The following PNN variants were observed in gnomAD, a reference collection of about 807,000 sequenced individuals.
The protein encoded by PNN is pinin.
Under a neutral mutation model 76.6 loss-of-function variants are expected in PNN, and 38 were observed. The ratio of observed to expected loss-of-function variants is 0.50; its 90% CI spans 0.38 to 0.65. PNN has a LOEUF of 0.65. PNN is among the 30% of genes least tolerant of loss of function. The pLI is 0.00. For missense variants in PNN, 873 were observed against 874.1 expected (o/e 1.00, Z 0.02); for synonymous variants, 366 against 283.7 (o/e 1.29, Z -2.91).
rs765807313 is a variant in PNN, at chr14:39,181,090, AAAG to A, written c.1387_1389del (p.Glu463del). ...AGACATGGAAAAGGAGTCTGAGGAA[AAAG>A]AAGAAAAAGAATCTGAGCCCCAACC... On this transcript the variant is annotated inframe_deletion, in exon 9 of 9. Coordinates refer to ENST00000216832, the MANE Select transcript of PNN (RefSeq NM_002687.4). 352 of 1,613,750 alleles carry A rather than the reference AAAG, an allele frequency of 2.2e-4. No individual in the cohort carries two copies. Among genetic ancestry groups the A allele is most frequent in the Non-Finnish European group, 2.8e-4 (332 of 1,179,870 alleles).
rs768187455 is a variant in PNN, at chr14:39,181,900, CAGA to C, written c.*41_*43del. 1.1e-5 allele frequency: 17 copies of C among 1,519,392 alleles called. No homozygotes were observed. Among genetic ancestry groups the C allele is most frequent in the African/African-American group, 9.8e-5 (7 of 71,792 alleles). 94.1% of individuals were successfully genotyped at this position (1,519,392 alleles called of 1,614,324 possible). A position where few individuals can be genotyped will look rare whatever the true frequency, so the allele number is the denominator to read the frequency against. On this transcript the variant is annotated 3_prime_UTR_variant, in exon 9 of 9. Coordinates refer to ENST00000216832, the MANE Select transcript of PNN (RefSeq NM_002687.4). ...AGGCTTTCTTAGCCATTCTTTGCAGCAGAAGATTTCTTGATAAAAAAGGATTAC... is the reference window on the plus strand; with the variant it reads ...AGGCTTTCTTAGCCATTCTTTGCAGCAGATTTCTTGATAAAAAAGGATTAC...
chr14:39,180,376 CT>C (rs2053260217), intron 8 of PNN, 126 bp from the exon 9 acceptor site: 2 of 991,316 alleles, frequency 2.0e-6, no homozygotes, highest in South Asian at 2.0e-5. Context: ...TTGCCATAAT[CT>C]TTTGTCATAA....
intron 3 of PNN, 65 bp downstream of exon 3, chr14:39,176,660 TTTA>T: frequency 1.1e-6 from 1 of 893,504 alleles, no homozygotes; most frequent in South Asian, 1.5e-5. Flanking sequence ...AATATAAATG[TTTA>T]TTAACAATAA....
intron 1 of PNN, 54 bp from the exon 2 acceptor site, chr14:39,176,023 GT>G: frequency 1.1e-6 from 1 of 895,988 alleles, no homozygotes; most frequent in South Asian, 1.4e-5. Context: ...AAGTATTTGG[GT>G]GCGACTGTGT....
chr14:39,180,900 A>T lies in PNN; in HGVS notation c.1191A>T (p.Lys397Asn). The T allele has an allele frequency of 6.2e-7, 1 of 1,614,050 alleles. No individual in the cohort carries two copies. The highest frequency in any genetic ancestry group is 8.5e-7 in the Non-Finnish European group (1 of 1,179,898). ...TGCTAGAGATGGTTGAGAATGTCAA[A>T]CATGTAATTGCTGACCAGGAGGTAA... ...MDVLEMVENVKHVIADQEVME... is the reference protein window; with the variant it reads ...MDVLEMVENVNHVIADQEVME... The change falls in exon 9 of 9, where the codon AAA becomes AAT. Residue 397 changes from lysine (K) to asparagine (N), a missense_variant. Physicochemically the swap from Lys to Asn is moderately conservative, Grantham distance 94 (BLOSUM62 0). This residue lies in a region of PNN where 712 missense variants were observed against 693.1 expected (regional missense o/e 1.03). Transcript: ENST00000216832.
rs2053251047 is a variant in PNN, at chr14:39,179,067, TAAAGC to T, written c.499-22_499-18del. 1 of 1,601,230 alleles carries T rather than the reference TAAAGC, an allele frequency of 6.2e-7. No homozygotes were observed. Among genetic ancestry groups the T allele is most frequent in the African/African-American group, 1.4e-5 (1 of 73,956 alleles). On this transcript the variant is annotated intron_variant, in intron 6 of 8. Transcript: ENST00000216832. ...TGTAACTATTTCAACACGTAAGTAT[TAAAGC>T]AGGCTACTTAACTTTTAGCAAAAGC...
At chr14:39,176,823 T>G (rs1191094179) in intron 3 of PNN, among the ~76,000 whole-genome samples, 2 of 152,224 alleles carry the variant, frequency 1.3e-5, no homozygotes, top group Non-Finnish European at 2.9e-5. Flanking sequence ...ATAAAGGTCA[T>G]GTGAAGAGTA....
intron 5 of PNN, 75 bp from the exon 6 acceptor site, chr14:39,177,766 A>G (rs2053240151): frequency 7.0e-7 from 1 of 1,430,692 alleles, no homozygotes; most frequent in Non-Finnish European, 9.9e-7. Flanking sequence ...AGCATCCTGT[A>G]GTATTTCTTA....
chr14:39,180,709 G>T lies in PNN; in HGVS notation c.1000G>T (p.Ala334Ser). The T allele has an allele frequency of 6.2e-7, 1 of 1,601,698 alleles. No homozygotes were observed. ...GCACAATGATGTAGAAATAGAGGAAGCAGGAGAGGAAGAGGAAAAGGAAAT... is the reference window on the plus strand; with the variant it reads ...GCACAATGATGTAGAAATAGAGGAATCAGGAGAGGAAGAGGAAAAGGAAAT... Reference protein sequence around the residue: ...NQHNDVEIEEAGEEEEKEIAI... With the variant: ...NQHNDVEIEESGEEEEKEIAI... The change falls in exon 9 of 9, where the codon GCA becomes TCA. Residue 334 changes from alanine to serine, a missense_variant. Physicochemically the swap from Ala to Ser is moderately conservative, Grantham distance 99. Coordinates refer to ENST00000216832, the MANE Select transcript of PNN (RefSeq NM_002687.4).
rs145307846 is a variant in PNN at position 39,181,285 on chromosome 14, G to A, written c.1576G>A (p.Glu526Lys). 5.0e-3 allele frequency: 8,023 copies of A among 1,614,066 alleles called. 37 individuals carry two copies. Among genetic ancestry groups the A allele is most frequent in the Non-Finnish European group, 5.6e-3 (6,616 of 1,179,914 alleles). ...TCAGGAGCAAGGGCATTTACTACCT[G>A]AGAGGAAGGATTTTCCTGTAGAGTC... The part of the protein sequence containing the change: ...VTQEQGHLLP[E>K]RKDFPVESVK... The change falls in exon 9 of 9, where the codon GAG becomes AAG. Residue 526 changes from glutamate (E) to lysine (K), a missense_variant. By Grantham distance (56) the Glu-to-Lys change is moderately conservative. Around this residue, in one of 3 missense-constraint regions of PNN, gnomAD observed 712 missense variants for 693.1 expected, o/e 1.03. Transcript: ENST00000216832.
chr14:39,176,273 T>C (rs895991332), intron 2 of PNN, 124 bp downstream of exon 2: 1 of 672,038 alleles, frequency 1.5e-6, no homozygotes, highest in African/African-American at 1.8e-5. Context: ...TTGTTTAATG[T>C]TGTAATAGAC....
At chr14:39,179,561 T>A in intron 8 of PNN, 99 bp downstream of exon 8, 1 of 1,079,274 alleles carries the variant, frequency 9.3e-7, no homozygotes, top group Non-Finnish European at 1.3e-6. Flanking sequence ...ATTCAGTGAT[T>A]GGTTTGCTGT....
Position 39,176,060 on chromosome 14 carries a change from T to A in PNN, c.114-18T>A. ...GTGTCTACATATGATTTTGCACTGATTTGTAAATCTTTTACAGGCCCATCC... is the reference window on the plus strand; with the variant it reads ...GTGTCTACATATGATTTTGCACTGAATTGTAAATCTTTTACAGGCCCATCC... On this transcript the variant is annotated intron_variant, in intron 1 of 8. Coordinates refer to ENST00000216832, the MANE Select transcript of PNN (RefSeq NM_002687.4). 2 of 1,501,302 alleles carry A rather than the reference T, an allele frequency of 1.3e-6. No individual in the cohort carries two copies. Among genetic ancestry groups the A allele is most frequent in the South Asian group, 2.3e-5 (2 of 88,476 alleles). The allele number at this position is 1,501,302 out of a possible 1,614,324, so 93.0% of individuals were successfully genotyped here.
rs1002141873 is a variant in PNN at position 39,183,175 on chromosome 14, T to C, written c.*1312T>C. The C allele has an allele frequency of 4.6e-5, 7 of 152,280 alleles. No homozygotes were observed. The highest frequency in any genetic ancestry group is 3.9e-4 in the Admixed American group (6 of 15,280). 9.4% of individuals were successfully genotyped at this position (152,280 alleles called of 1,614,324 possible). On this transcript the variant is annotated 3_prime_UTR_variant, in exon 9 of 9. Transcript: ENST00000216832. ...AGTGGATGTGTTAAAAGATCTCTTTTTAAAAATCCTTTTATTGGAGTAATT... is the reference window on the plus strand; with the variant it reads ...AGTGGATGTGTTAAAAGATCTCTTTCTAAAAATCCTTTTATTGGAGTAATT...
In PNN at chr14:39,181,691, A is replaced by G. The variant is rs753178082; in HGVS notation, c.1982A>G (p.Glu661Gly). 1.4e-5 allele frequency: 22 copies of G among 1,614,000 alleles called. No individual in the cohort carries two copies. In the South Asian group the frequency reaches 2.2e-4, roughly 16 times the overall value. ...AAGAGAAGGGATACTTCAGGACTAG[A>G]AAGAAGTCACAAATCTTCAAAAGGT... The part of the protein sequence containing the change: ...DRKRRDTSGL[E>G]RSHKSSKGGS... Residue 661 changes from glutamate (E) to glycine (G), a missense_variant, in exon 9 of 9, where the codon GAA becomes GGA. Physicochemically the swap from Glu to Gly is moderately conservative, Grantham distance 98 (BLOSUM62 -2). This residue lies in a region of PNN where 712 missense variants were observed against 693.1 expected (regional missense o/e 1.03). Transcript: ENST00000216832.
At position 39,183,183 on chromosome 14, in the gene PNN, C is replaced by G. The variant is rs1823216344; in HGVS notation, c.*1320C>G. The G allele has an allele frequency of 6.6e-6, 1 of 152,148 alleles. No individual in the cohort carries two copies. 9.4% of individuals were successfully genotyped at this position (152,148 alleles called of 1,614,324 possible). ...TGTTAAAAGATCTCTTTTTAAAAAT[C>G]CTTTTATTGGAGTAATTATTAAAAC... On this transcript the variant is annotated 3_prime_UTR_variant, in exon 9 of 9. Coordinates refer to ENST00000216832, the MANE Select transcript of PNN (RefSeq NM_002687.4).
chr14:39,181,980 T>C lies in PNN; in HGVS notation c.*117T>C. The C allele has an allele frequency of 9.4e-7, 1 of 1,066,136 alleles. No individual in the cohort carries two copies. The highest frequency in any genetic ancestry group is 1.3e-6 in the Non-Finnish European group (1 of 765,662). The allele number at this position is 1,066,136 out of a possible 1,614,324, so 66.0% of individuals were successfully genotyped here. ...TAAGAATTGCATGTTGTAAAAAATC[T>C]TTTTGGAAAATACAGACTGTTTGTT... On this transcript the variant is annotated 3_prime_UTR_variant, in exon 9 of 9. Transcript: ENST00000216832.
rs1360675238 is a variant in PNN at position 39,179,076 on chromosome 14, C to T, written c.499-15C>T. The T allele has an allele frequency of 2.5e-6, 4 of 1,606,334 alleles. No homozygotes were observed. The Admixed American group carries it at 6.9e-5, about 28-fold the overall frequency. The stretch of plus-strand genomic sequence containing the variant: ...TTCAACACGTAAGTATTAAAGCAGG[C>T]TACTTAACTTTTAGCAAAAGCGGCG... On this transcript the variant is annotated splice_polypyrimidine_tract_variant and intron_variant, in intron 6 of 8. Transcript: ENST00000216832.
Position 39,181,189 on chromosome 14 carries a change from C to CTCCA in PNN, c.1481_1484dup (p.Gln495HisfsTer10). 1 of 1,610,160 alleles carries CTCCA rather than the reference C, an allele frequency of 6.2e-7. No individual in the cohort carries two copies. Among genetic ancestry groups the CTCCA allele is most frequent in the Non-Finnish European group, 8.5e-7 (1 of 1,176,414 alleles). ...GCTTCAATCCCAGTCCCAACCAGTA[C>CTCCA]TCCAGTCCCAGCCTCCCTCTCAGCC... On this transcript the variant is annotated frameshift_variant, in exon 9 of 9. Transcript: ENST00000216832. LOFTEE classifies it high-confidence loss of function.
Sources: allele counts gnomAD v4.1 joint callset (sites outside exome capture counted in the v4.1 genomes callset), GRCh38; gene constraint gnomAD v4.1.1; regional missense constraint gnomAD v4.1.1; transcripts MANE v1.5; gene names NCBI Gene and HGNC (gene_info 2026-07-23, HGNC 2026-07-21).